RACGAP1: variants seen among roughly 807,000 people sequenced by gnomAD.
The protein encoded by RACGAP1 is Rac GTPase activating protein 1.
In RACGAP1, 30 loss-of-function variants were observed where a neutral mutation model predicts 78.1. The ratio of observed to expected loss-of-function variants is 0.38; its 90% CI spans 0.29 to 0.52. The LOEUF (loss-of-function observed/expected upper bound fraction) is 0.52, where lower values mean the gene tolerates loss of function less well. Ranked by LOEUF, RACGAP1 falls within the 20% of genes least tolerant of loss-of-function variation. The pLI is 0.82. For missense variants in RACGAP1, 587 were observed against 777.1 expected (o/e 0.76, Z 2.91); for synonymous variants, 231 against 264.8 (o/e 0.87, Z 1.24).
At chr12:50,016,787 T>A (rs879181135) in intron 1 of RACGAP1, 68 bp from the exon 2 acceptor site, 1 of 1,530,778 alleles carries the variant, frequency 6.5e-7, no homozygotes, top group Non-Finnish European at 8.9e-7. Flanking sequence ...TCTATAGCAA[T>A]CCAGCCATTA....
At chr12:50,021,451 A>G (rs1266391331) in intron 1 of RACGAP1, among the ~76,000 whole-genome samples, 1 of 152,198 alleles carries the variant, frequency 6.6e-6, no homozygotes, top group Non-Finnish European at 1.5e-5. Context: ...ATCTGGAAAC[A>G]CCATGAAAGA....
At chr12:50,027,255 G>A (rs1833699752), upstream of RACGAP1, among the ~76,000 whole-genome samples, 1 of 152,268 alleles carries the variant, frequency 6.6e-6, no homozygotes, top group East Asian at 1.9e-4. Flanking sequence ...AACCTTTCAA[G>A]GTCAGGAGCA....
chr12:49,991,850 A>G, intron 15 of RACGAP1, 148 bp downstream of exon 15: 5 of 1,477,240 alleles, frequency 3.4e-6, no homozygotes, highest in Non-Finnish European at 4.5e-6. Context: ...GAACATGGAA[A>G]AGCAAAAAAA....
At chr12:50,004,445 T>G (rs916887394) in intron 4 of RACGAP1, 141 bp from the exon 5 acceptor site, 1 of 1,351,722 alleles carries the variant, frequency 7.4e-7, no homozygotes, top group Non-Finnish European at 9.7e-7. Flanking sequence ...AATTACAATC[T>G]CAAACCCTGT....
chr12:49,994,892 TC>T lies in RACGAP1; in HGVS notation c.1045-384del, dbSNP rs529624439. On this transcript the variant is annotated intron_variant, in intron 10 of 16. Coordinates refer to ENST00000312377, the MANE Select transcript of RACGAP1 (RefSeq NM_001319999.2). ...TTATTACTCTAAACAGATTTTTTTTTCTAACAGAAGAAAGCTGGAACAAGAG... is the reference window on the plus strand; with the variant it reads ...TTATTACTCTAAACAGATTTTTTTTTTAACAGAAGAAAGCTGGAACAAGAG... Among the ~76,000 whole-genome samples, 18 of 152,320 alleles carry T rather than the reference TC, an allele frequency of 1.2e-4. No homozygotes were observed. The East Asian group carries it at 3.3e-3, about 28-fold the overall frequency.
chr12:50,016,199 T>C (rs112430986), intron 2 of RACGAP1, among the ~76,000 whole-genome samples: 1 of 151,874 alleles, frequency 6.6e-6, no homozygotes, highest in African/African-American at 2.4e-5. Context: ...CTGTGCAACA[T>C]GGCAAAATCC....
At chr12:50,016,834 A>G in intron 1 of RACGAP1, 115 bp from the exon 2 acceptor site, 3 of 1,378,232 alleles carry the variant, frequency 2.2e-6, no homozygotes, top group South Asian at 2.9e-5. Flanking sequence ...TATAACTACC[A>G]TTATAAGAAT....
intron 15 of RACGAP1, among the ~76,000 whole-genome samples, chr12:49,991,457 T>TTATTTATATATATATA (rs1555169078): frequency 3.6e-5 from 1 of 27,402 alleles, no homozygotes; most frequent in Non-Finnish European, 8.7e-5. Flanking sequence ...ATTTAAACTA[T>TTATTTATATATATATA]TATATATATA....
At chr12:50,017,986 C>T (rs1195277039) in intron 1 of RACGAP1, among the ~76,000 whole-genome samples, 3 of 151,980 alleles carry the variant, frequency 2.0e-5, no homozygotes, top group East Asian at 1.9e-4. Context: ...GGCAAAACCC[C>T]GTCTCTTCTA....
chr12:50,016,906 A>T (rs1949715373), intron 1 of RACGAP1, 187 bp from the exon 2 acceptor site: 10 of 1,351,138 alleles, frequency 7.4e-6, no homozygotes, highest in African/African-American at 1.5e-5. Flanking sequence ...GGAATGTTTA[A>T]GACTCATCTG....
upstream of RACGAP1, among the ~76,000 whole-genome samples, chr12:50,027,221 G>A (rs192862228): frequency 6.6e-6 from 1 of 152,302 alleles, no homozygotes; most frequent in East Asian, 1.9e-4. Context: ...CTGTGCATTT[G>A]TTATCCCATT....
intron 2 of RACGAP1, among the ~76,000 whole-genome samples, chr12:50,030,668 G>A (rs555269244): frequency 5.3e-5 from 8 of 152,062 alleles, no homozygotes; most frequent in African/African-American, 1.2e-4. Flanking sequence ...CAGACTGGGC[G>A]ACAGAGTGAA....
rs1457595287 is a variant in RACGAP1 at position 49,989,651 on chromosome 12, A to G, written c.*617T>C. 1 of 152,262 alleles carries G rather than the reference A, an allele frequency of 6.6e-6. No individual in the cohort carries two copies. Among genetic ancestry groups the G allele is most frequent in the Non-Finnish European group, 1.5e-5 (1 of 68,048 alleles). The allele number at this position is 152,262 out of a possible 1,614,324, so 9.4% of individuals were successfully genotyped here. On this transcript the variant is annotated 3_prime_UTR_variant, in exon 17 of 17. Coordinates refer to ENST00000312377, the MANE Select transcript of RACGAP1 (RefSeq NM_001319999.2). Reference sequence around the variant, plus strand: ...CAAGGTTGTGCCACTCAACACTATTAAAGACCTAATCATCCAAATCAAAGC... The same window carrying G: ...CAAGGTTGTGCCACTCAACACTATTGAAGACCTAATCATCCAAATCAAAGC...
At chr12:49,995,889 T>C (rs1044640361) in intron 10 of RACGAP1, among the ~76,000 whole-genome samples, 1 of 152,232 alleles carries the variant, frequency 6.6e-6, no homozygotes, top group African/African-American at 2.4e-5. Context: ...TTATGAAGTA[T>C]GTCTAACATA....
At position 50,001,240 on chromosome 12, in the gene RACGAP1, G is replaced by A. The variant is rs1409768843; in HGVS notation, c.562C>T (p.Arg188Ter). 8 of 1,609,266 alleles carry A rather than the reference G, an allele frequency of 5.0e-6. No individual in the cohort carries two copies. Among genetic ancestry groups the A allele is most frequent in the South Asian group, 1.1e-5 (1 of 90,968 alleles). ...KKREKRRSTS[R>*]QFVDGPPGPV... Reference sequence around the variant, plus strand: ...CCAGGGGGACCATCAACAAACTGTCGGCTAGTAGAGCGCTAGAAAGGAGAC... The same window carrying A: ...CCAGGGGGACCATCAACAAACTGTCAGCTAGTAGAGCGCTAGAAAGGAGAC... The change falls in exon 7 of 17, where the codon CGA (arginine) becomes TGA (stop). Residue 188 changes from arginine to a stop codon, truncating the protein, a stop_gained. Coordinates refer to ENST00000312377, the MANE Select transcript of RACGAP1 (RefSeq NM_001319999.2). LOFTEE classifies it high-confidence loss of function.
chr12:49,991,457 T>TTTTATATA (rs1345935711), intron 15 of RACGAP1, among the ~76,000 whole-genome samples: 2 of 27,402 alleles, frequency 7.3e-5, no homozygotes, highest in Non-Finnish European at 8.7e-5. Context: ...ATTTAAACTA[T>TTTTATATA]TATATATATA....
chr12:49,997,277 T>C, intron 9 of RACGAP1, 73 bp from the exon 10 acceptor site: 1 of 1,343,020 alleles, frequency 7.4e-7, no homozygotes, highest in Non-Finnish European at 9.7e-7. Flanking sequence ...ACTAACTTTT[T>C]TTTTTTTTTT....
Position 50,005,333 on chromosome 12 carries a change from T to C in RACGAP1, c.348A>G (p.Gln116=), listed in dbSNP as rs1253332429. Residue 116 remains glutamine, a synonymous_variant, in exon 4 of 17, where the codon CAA becomes CAG. Transcript: ENST00000312377. The part of the protein sequence containing the change: ...MLMCDTSGSI[Q]LSEEQKSALA... ...GAGCTGATTTTTGCTCCTCGCTTAG[T>C]TGAATGCTGCCAGATGTGTCACACA... The C allele has an allele frequency of 2.5e-6, 4 of 1,614,124 alleles. No individual in the cohort carries two copies. The highest frequency in any genetic ancestry group is 2.5e-6 in the Non-Finnish European group (3 of 1,180,042).
At chr12:49,997,269 T>C in intron 9 of RACGAP1, 65 bp from the exon 10 acceptor site, 2 of 1,265,764 alleles carry the variant, frequency 1.6e-6, no homozygotes, top group South Asian at 2.0e-5. Flanking sequence ...CATAATCAAC[T>C]AACTTTTTTT....
Sources: allele counts gnomAD v4.1 joint callset (sites outside exome capture counted in the v4.1 genomes callset), GRCh38; gene constraint gnomAD v4.1.1; transcripts MANE v1.5; gene names NCBI Gene and HGNC (gene_info 2026-07-23, HGNC 2026-07-21).